ATXN1: variants seen among roughly 807,000 people sequenced by gnomAD.
The protein encoded by ATXN1 is ataxin 1.
Under a neutral mutation model 56.4 loss-of-function variants are expected in ATXN1, and 8 were observed. That is an observed-to-expected ratio of 0.14 (90% CI 0.08 to 0.26). ATXN1 has a LOEUF of 0.26. Among genes scored for constraint, ATXN1 ranks in the 10% least tolerant of loss-of-function variants. The pLI is 1.00. For synonymous variants in ATXN1, 514 were observed against 494.6 expected (o/e 1.04, Z -0.52); for missense variants, 987 against 1,106.5 (o/e 0.89, Z 1.53).
intron 6 of ATXN1, among the ~76,000 whole-genome samples, chr6:16,364,380 C>T (rs925887811): frequency 6.6e-6 from 1 of 152,018 alleles, no homozygotes; most frequent in Non-Finnish European, 1.5e-5. Context: ...TCTCAGCTCA[C>T]TGCAAGCTCC....
intron 6 of ATXN1, among the ~76,000 whole-genome samples, chr6:16,456,450 C>T (rs1266509202): frequency 1.3e-5 from 2 of 152,202 alleles, no homozygotes; most frequent in African/African-American, 4.8e-5. Flanking sequence ...CAACCCCCGA[C>T]TGTTTGGAGT....
At chr6:16,523,874 T>C (rs1439435800) in intron 4 of ATXN1, among the ~76,000 whole-genome samples, 1 of 151,314 alleles carries the variant, frequency 6.6e-6, no homozygotes, top group Non-Finnish European at 1.5e-5. Flanking sequence ...AACAGACTAT[T>C]TAATCTACAC....
intron 6 of ATXN1, among the ~76,000 whole-genome samples, chr6:16,464,770 G>A (rs1760069605): frequency 1.3e-5 from 2 of 151,130 alleles, no homozygotes; most frequent in South Asian, 4.2e-4. Flanking sequence ...AAAATCAGGG[G>A]TTTTGGGGAT....
At chr6:16,359,640 C>T (rs73724842) in intron 6 of ATXN1, among the ~76,000 whole-genome samples, 3,198 of 152,190 alleles carry the variant, frequency 0.021, 110 homozygotes, top group African/African-American at 0.071. Flanking sequence ...CTCAATGGGA[C>T]GATCTGCTTA....
intron 2 of ATXN1, among the ~76,000 whole-genome samples, chr6:16,709,701 A>C (rs1265853493): frequency 1.3e-5 from 2 of 152,198 alleles, no homozygotes; most frequent in Non-Finnish European, 2.9e-5. Flanking sequence ...GACTCCACGA[A>C]TACATTTTAT....
chr6:16,633,120 G>T (rs1265358046), intron 3 of ATXN1, among the ~76,000 whole-genome samples: 2 of 152,080 alleles, frequency 1.3e-5, no homozygotes, highest in East Asian at 1.9e-4. Flanking sequence ...CATTTGCTAC[G>T]CATTGTTACA....
chr6:16,658,739 C>T (rs752468394), intron 2 of ATXN1, among the ~76,000 whole-genome samples: 1 of 152,194 alleles, frequency 6.6e-6, no homozygotes, highest in African/African-American at 2.4e-5. Flanking sequence ...AGCCTAGAAA[C>T]AGTCTTCCAA....
chr6:16,653,616 A>G (rs1296232639), intron 3 of ATXN1, among the ~76,000 whole-genome samples: 1 of 152,140 alleles, frequency 6.6e-6, no homozygotes, highest in Non-Finnish European at 1.5e-5. Flanking sequence ...CACTATCCCA[A>G]TCTTAGTCAG....
At position 16,359,209 on chromosome 6, in the gene ATXN1, A is replaced by G. The variant is rs144922292; in HGVS notation, c.-160-30739T>C. Among the ~76,000 whole-genome samples the G allele has an allele frequency of 4.3e-3, 650 of 152,292 alleles. 5 individuals are homozygous for G. The highest frequency in any genetic ancestry group is 0.014 in the African/African-American group (583 of 41,586). ...GGGGCAGAAAAGAGGGGAGTCCCCA[A>G]TTAGGCCCCACCTTCAGGCGAGGGA... On this transcript the variant is annotated intron_variant, in intron 6 of 7. Coordinates refer to ENST00000436367, the MANE Select transcript of ATXN1 (RefSeq NM_001128164.2).
At chr6:16,350,440 C>T (rs1184339818) in intron 6 of ATXN1, among the ~76,000 whole-genome samples, 8 of 152,218 alleles carry the variant, frequency 5.3e-5, no homozygotes, top group Non-Finnish European at 1.0e-4. Flanking sequence ...AGCATGCACT[C>T]CGGTTCCATA....
At chr6:16,559,138 C>T (rs923137959) in intron 4 of ATXN1, among the ~76,000 whole-genome samples, 2 of 152,182 alleles carry the variant, frequency 1.3e-5, no homozygotes, top group South Asian at 2.1e-4. Context: ...AAAACATCGT[C>T]TGTGGAGAAA....
Position 16,300,740 on chromosome 6 carries a change from G to A in ATXN1, c.*5589C>T, listed in dbSNP as rs1334936092. 4.6e-5 allele frequency: 7 copies of A among 152,346 alleles called. No individual in the cohort carries two copies. The highest frequency in any genetic ancestry group is 2.9e-5 in the Non-Finnish European group (2 of 67,998). The allele number at this position is 152,346 out of a possible 1,614,324, so 9.4% of individuals were successfully genotyped here. On this transcript the variant is annotated 3_prime_UTR_variant, in exon 8 of 8. Coordinates refer to ENST00000436367, the MANE Select transcript of ATXN1 (RefSeq NM_001128164.2). ...CTGGATCCCTTGTTACAAACACTTCGTGTTCAAGATTATATTCTTTGGGTT... is the reference window on the plus strand; with the variant it reads ...CTGGATCCCTTGTTACAAACACTTCATGTTCAAGATTATATTCTTTGGGTT...
At chr6:16,625,994 C>T (rs1220555163) in intron 3 of ATXN1, among the ~76,000 whole-genome samples, 3 of 152,134 alleles carry the variant, frequency 2.0e-5, no homozygotes, top group Admixed American at 6.5e-5. Context: ...AAATGGCACT[C>T]GTACTTCCTG....
At position 16,326,352 on chromosome 6, in the gene ATXN1, C is replaced by T. The variant is rs757957155; in HGVS notation, c.1917+42G>A. 44 of 1,602,484 alleles carry T rather than the reference C, an allele frequency of 2.7e-5. No homozygotes were observed. Among genetic ancestry groups the T allele is most frequent in the Admixed American group, 8.4e-5 (5 of 59,716 alleles). ...TTGCCAGGAGATGATGATGGCATCA[C>T]GGTGTGGTGTCCCATCCCTGTGCCA... On this transcript the variant is annotated intron_variant, in intron 7 of 7. Coordinates refer to ENST00000436367, the MANE Select transcript of ATXN1 (RefSeq NM_001128164.2). This position sits in a 1 kb window ranked among gnomAD's most constrained non-coding sequence, Gnocchi z 6.6.
chr6:16,367,470 T>G (rs1424353496), intron 6 of ATXN1, among the ~76,000 whole-genome samples: 1 of 152,042 alleles, frequency 6.6e-6, no homozygotes, highest in Non-Finnish European at 1.5e-5. Context: ...GGAGAGCTAA[T>G]GAAGGCTCAC....
intron 4 of ATXN1, among the ~76,000 whole-genome samples, chr6:16,537,995 T>C (rs1761638486): frequency 6.6e-6 from 1 of 152,164 alleles, no homozygotes; most frequent in African/African-American, 2.4e-5. Flanking sequence ...CTCAGCTACT[T>C]GGGAGGTCAA....
rs1024105377 is a variant in ATXN1, at chr6:16,304,400, G to A, written c.*1929C>T. ...AAAAACTATGAAATACCCTTTCTGG[G>A]TTTGTACCAAACATTAAATCTCGAT... On this transcript the variant is annotated 3_prime_UTR_variant, in exon 8 of 8. Transcript: ENST00000436367. 4 of 151,144 alleles carry A rather than the reference G, an allele frequency of 2.6e-5. No homozygotes were observed. The highest frequency in any genetic ancestry group is 4.4e-5 in the Non-Finnish European group (3 of 67,804). 9.4% of individuals were successfully genotyped at this position (151,144 alleles called of 1,614,324 possible).
intron 2 of ATXN1, among the ~76,000 whole-genome samples, chr6:16,702,980 G>A (rs1283455216): frequency 1.3e-5 from 2 of 151,804 alleles, no homozygotes; most frequent in Non-Finnish European, 2.9e-5. Context: ...CCCATTACTG[G>A]GTATATACCA....
intron 6 of ATXN1, among the ~76,000 whole-genome samples, chr6:16,386,927 C>G (rs1466217419): frequency 2.0e-5 from 3 of 152,154 alleles, no homozygotes; most frequent in African/African-American, 7.2e-5. Flanking sequence ...CTGCCTCAGC[C>G]TCCCAAAGTG....
Sources: allele counts gnomAD v4.1 joint callset (sites outside exome capture counted in the v4.1 genomes callset), GRCh38; gene constraint gnomAD v4.1.1; non-coding constraint Gnocchi (gnomAD v3.1); transcripts MANE v1.5; gene names NCBI Gene and HGNC (gene_info 2026-07-23, HGNC 2026-07-21).